Variants in DPP6 observed in about 807,000 individuals in gnomAD.
DPP6 encodes the protein A-type potassium channel modulatory protein DPP6.
In DPP6, 69 loss-of-function variants were observed where a neutral mutation model predicts 122.6. That is an observed-to-expected ratio of 0.56 (90% CI 0.46 to 0.69). The LOEUF (loss-of-function observed/expected upper bound fraction) is 0.69, where lower values mean the gene tolerates loss of function less well. Among genes scored for constraint, DPP6 ranks in the 30% least tolerant of loss-of-function variants. The pLI, the probability that DPP6 is intolerant of heterozygous loss-of-function variation, is 0.00. For synonymous variants in DPP6, 418 were observed against 433.1 expected (o/e 0.97, Z 0.43); for missense variants, 928 against 1,116.9 (o/e 0.83, Z 2.41).
chr7:154,809,464 A>G (rs922417849), intron 16 of DPP6, among the ~76,000 whole-genome samples: 14 of 152,204 alleles, frequency 9.2e-5, no homozygotes, highest in African/African-American at 3.1e-4. Context: ...TCATCCTTGA[A>G]GTAATCTTTT....
At chr7:154,846,607 G>A (rs946953856) in intron 16 of DPP6, among the ~76,000 whole-genome samples, 1 of 152,188 alleles carries the variant, frequency 6.6e-6, no homozygotes, top group Non-Finnish European at 1.5e-5. Flanking sequence ...CTACCAACTA[G>A]CTTAACGACA....
rs143750495 is a variant in DPP6 at position 154,715,579 on chromosome 7, G to A, written c.763-12188G>A. 5.2e-3 allele frequency among the ~76,000 whole-genome samples: 798 copies of A among 152,284 alleles called. 10 individuals are homozygous for A. Among genetic ancestry groups the A allele is most frequent in the African/African-American group, 0.018 (760 of 41,542 alleles). On this transcript the variant is annotated intron_variant, in intron 7 of 25. Transcript: ENST00000377770. ...TATGAGACAATTTTCGACTGCAGTAGCCCAAATGGTACCCTGCAGCCGTCA... is the reference window on the plus strand; with the variant it reads ...TATGAGACAATTTTCGACTGCAGTAACCCAAATGGTACCCTGCAGCCGTCA...
At chr7:154,159,737 G>C (rs1203575479) in intron 1 of DPP6, among the ~76,000 whole-genome samples, 1 of 152,272 alleles carries the variant, frequency 6.6e-6, no homozygotes, top group African/African-American at 2.4e-5. Flanking sequence ...ACAAATACAG[G>C]GTCCTTCTAT....
Position 154,808,990 on chromosome 7 carries a change from G to A in DPP6, c.1666+1878G>A, listed in dbSNP as rs560400410. On this transcript the variant is annotated intron_variant, in intron 16 of 25. Coordinates refer to ENST00000377770, the MANE Select transcript of DPP6 (RefSeq NM_130797.4). The stretch of plus-strand genomic sequence containing the variant: ...AGAGGTCATTTGCCAGAGGGGCTTG[G>A]TCTGGCCTAGGCAGGAGGCAGAGCC... Among the ~76,000 whole-genome samples, 9 of 152,288 alleles carry A rather than the reference G, an allele frequency of 5.9e-5. No homozygotes were observed. In the South Asian group the frequency reaches 1.7e-3, roughly 28 times the overall value.
intron 3 of DPP6, among the ~76,000 whole-genome samples, chr7:154,517,712 T>C (rs1394366698): frequency 6.6e-6 from 1 of 152,064 alleles, no homozygotes; most frequent in Admixed American, 6.5e-5. Flanking sequence ...GCCTTTTAAA[T>C]ACACAGCAGC....
At chr7:154,248,476 A>T (rs1439461528) in intron 1 of DPP6, among the ~76,000 whole-genome samples, 1 of 152,198 alleles carries the variant, frequency 6.6e-6, no homozygotes, top group African/African-American at 2.4e-5. Context: ...GTCAGGGGAA[A>T]TCACATACAT....
chr7:154,100,984 T>C (rs1805687042), intron 1 of DPP6, among the ~76,000 whole-genome samples: 1 of 137,878 alleles, frequency 7.3e-6, no homozygotes, highest in Non-Finnish European at 1.6e-5. Context: ...AGCGTGCTGC[T>C]GGTCCTGCCA....
chr7:154,374,269 G>A (rs1812923963), intron 1 of DPP6, among the ~76,000 whole-genome samples: 1 of 152,218 alleles, frequency 6.6e-6, no homozygotes, highest in Admixed American at 6.5e-5. Context: ...ACCTCATAGT[G>A]TTTTGTGGAT....
At chr7:154,305,049 CCCCA>C (rs1806186911) in intron 1 of DPP6, 1 of 80,994 alleles carries the variant, frequency 1.2e-5, no homozygotes, top group Non-Finnish European at 2.6e-5. Context: ...CCAGCCCCAG[CCCCA>C]GCCCCAGCCC....
intron 21 of DPP6, among the ~76,000 whole-genome samples, chr7:154,883,349 TACAC>T (rs1307809851): frequency 9.1e-5 from 10 of 109,822 alleles, no homozygotes; most frequent in African/African-American, 1.8e-4. Context: ...CACACGCTCA[TACAC>T]ACACATGCTC....
At chr7:153,795,926 G>A in the DPP6 span, among the ~76,000 whole-genome samples, 1 of 151,460 alleles carries the variant, frequency 6.6e-6, no homozygotes, top group Non-Finnish European at 1.5e-5. Flanking sequence ...ATATATTCCA[G>A]CGATCTTGCT....
At chr7:154,011,673 G>T (rs1345752749) in intron 1 of DPP6, among the ~76,000 whole-genome samples, 1 of 152,186 alleles carries the variant, frequency 6.6e-6, no homozygotes, top group East Asian at 1.9e-4. Flanking sequence ...GCATTGGTTG[G>T]TGCTGGTAGC....
At chr7:154,438,232 C>T (rs572483941) in intron 1 of DPP6, among the ~76,000 whole-genome samples, 7 of 151,888 alleles carry the variant, frequency 4.6e-5, no homozygotes, top group Non-Finnish European at 7.4e-5. Context: ...CTTTGGGAGG[C>T]CAAGGAGGGT....
chr7:154,762,725 A>G (rs1186515461), intron 8 of DPP6, among the ~76,000 whole-genome samples: 1 of 152,244 alleles, frequency 6.6e-6, no homozygotes. Context: ...GGGCTCCGCC[A>G]TCTCTCCTGC....
intron 1 of DPP6, among the ~76,000 whole-genome samples, chr7:154,047,283 C>T (rs1359988919): frequency 1.4e-5 from 2 of 142,956 alleles, no homozygotes; most frequent in Non-Finnish European, 3.0e-5. Context: ...CTCCTGGTTA[C>T]AAAATTAAAG....
rs1798296116 is a variant in DPP6, at chr7:154,185,218, T to C, written c.243+132155T>C. 1.3e-5 allele frequency among the ~76,000 whole-genome samples: 2 copies of C among 152,220 alleles called. 1 individual carries two copies. The highest frequency in any genetic ancestry group is 4.1e-4 in the South Asian group (2 of 4,836). On this transcript the variant is annotated intron_variant, in intron 1 of 25. Coordinates refer to ENST00000377770, the MANE Select transcript of DPP6 (RefSeq NM_130797.4). ...AGGCTATTAACATAATCCTGTGTAA[T>C]GAGAAGATCAGCACCAAGCTAGCCT...
At chr7:154,407,501 C>A (rs527456225) in intron 1 of DPP6, among the ~76,000 whole-genome samples, 178 of 152,246 alleles carry the variant, frequency 1.2e-3, no homozygotes, top group Admixed American at 5.3e-3. Flanking sequence ...TTCGCTACAA[C>A]GATTTTGCCA....
intron 18 of DPP6, among the ~76,000 whole-genome samples, chr7:154,869,467 G>A (rs570923857): frequency 3.3e-5 from 5 of 152,390 alleles, no homozygotes; most frequent in East Asian, 3.9e-4. Context: ...CTCACGGAAC[G>A]TGGGACTTGA....
intron 7 of DPP6, among the ~76,000 whole-genome samples, chr7:154,712,608 G>T (rs1841254255): frequency 6.6e-6 from 1 of 152,170 alleles, no homozygotes; most frequent in South Asian, 2.1e-4. Flanking sequence ...CTCTTCACAG[G>T]GTGGCAGAAG....
Sources: allele counts gnomAD v4.1 joint callset (sites outside exome capture counted in the v4.1 genomes callset), GRCh38; gene constraint gnomAD v4.1.1; transcripts MANE v1.5; gene names NCBI Gene and HGNC (gene_info 2026-07-23, HGNC 2026-07-21).